OPN1LW: variants seen among roughly 807,000 people sequenced by gnomAD.
OPN1LW encodes the protein long-wave-sensitive opsin 1.
OPN1LW carries 4 observed loss-of-function variants against 18.1 expected under a neutral mutation model. That is an observed-to-expected ratio of 0.22 (90% CI 0.11 to 0.51). OPN1LW has a LOEUF of 0.51. OPN1LW is among the 20% of genes least tolerant of loss of function. The pLI is 0.97. For synonymous variants in OPN1LW, 86 were observed against 101.2 expected (o/e 0.85, Z 0.90); for missense variants, 164 against 234.9 (o/e 0.70, Z 1.97).
In OPN1LW at chrX:154,150,955, A is replaced by G. The variant is rs2067072339; in HGVS notation, c.409+3A>G. ...GGGCTACACCGTCTCCCTGTGTGGT[A>G]AGCCAGTCGGGGCCCAGGCTCGGCG... On this transcript the variant is annotated splice_donor_region_variant and intron_variant, in intron 2 of 5. Coordinates refer to ENST00000369951, the MANE Select transcript of OPN1LW (RefSeq NM_020061.6). 1 of 1,185,515 alleles carries G rather than the reference A, an allele frequency of 8.4e-7. No individual in the cohort carries two copies. The highest frequency in any genetic ancestry group is 2.1e-5 in the African/African-American group (1 of 46,711).
Position 154,156,539 on chromosome X carries a change from C to G in OPN1LW, c.984+6C>G, listed in dbSNP as rs1266194484. 1.7e-6 allele frequency: 2 copies of G among 1,197,350 alleles called. 1 individual carries two copies. The highest frequency in any genetic ancestry group is 6.0e-5 in the East Asian group (2 of 33,437). On this transcript the variant is annotated splice_donor_region_variant and intron_variant, in intron 5 of 5. Transcript: ENST00000369951. Reference sequence around the variant, plus strand: ...ATGTCTTTATGAACCGGCAGGTAAGCAACACCATCAGCAGATCCCACTCAA... The same window carrying G: ...ATGTCTTTATGAACCGGCAGGTAAGGAACACCATCAGCAGATCCCACTCAA...
In OPN1LW at chrX:154,156,572, T is replaced by C. The variant is rs782394778; in HGVS notation, c.984+39T>C. The C allele has an allele frequency of 1.8e-5, 21 of 1,186,772 alleles. No homozygotes were observed. In the East Asian group the frequency reaches 6.3e-4, roughly 36 times the overall value. ...TCAGCAGATCCCACTCAAAATACCG[T>C]GTGCCCTAGAAGGGTGCAGTGATGG... On this transcript the variant is annotated intron_variant, in intron 5 of 5. Coordinates refer to ENST00000369951, the MANE Select transcript of OPN1LW (RefSeq NM_020061.6).
At position 154,156,376 on chromosome X, in the gene OPN1LW, C is replaced by G; in HGVS notation, c.827C>G (p.Ala276Gly). Reference sequence around the variant, plus strand: ...CGCATGGTGGTGGTGATGATCTTTGCGTACTGCGTCTGCTGGGGACCCTAC... The same window carrying G: ...CGCATGGTGGTGGTGATGATCTTTGGGTACTGCGTCTGCTGGGGACCCTAC... Reference protein sequence around the residue: ...VTRMVVVMIFAYCVCWGPYTF... With the variant: ...VTRMVVVMIFGYCVCWGPYTF... The change falls in exon 5 of 6, where the codon GCG (alanine) becomes GGG (glycine). Residue 276 changes from alanine to glycine, a missense_variant. Around this residue, in one of 3 missense-constraint regions of OPN1LW, gnomAD observed 53 missense variants for 50.2 expected, o/e 1.06. Coordinates refer to ENST00000369951, the MANE Select transcript of OPN1LW (RefSeq NM_020061.6). 2 of 1,204,921 alleles carry G rather than the reference C, an allele frequency of 1.7e-6. No individual in the cohort carries two copies. Among genetic ancestry groups the G allele is most frequent in the Non-Finnish European group, 1.1e-6 (1 of 890,458 alleles).
intron 1 of OPN1LW, among the ~76,000 whole-genome samples, chrX:154,149,247 G>C (rs1395833088): frequency 9.9e-6 from 1 of 101,044 alleles, no homozygotes; most frequent in Non-Finnish European, 1.9e-5. Flanking sequence ...AAATTACCAG[G>C]CTGTGCATGG....
At position 154,144,258 on chromosome X, in the gene OPN1LW, C is replaced by T. The variant is rs781904091; in HGVS notation, c.-26C>T. ...CAGGTGATGCGCCAGGGCCGGCTGC[C>T]GTCGGGGACAGGGCTTTCCATAGCC... On this transcript the variant is annotated 5_prime_UTR_variant, in exon 1 of 6. Transcript: ENST00000369951. The T allele has an allele frequency of 1.2e-5, 15 of 1,208,071 alleles. No individual in the cohort carries two copies. The highest frequency in any genetic ancestry group is 6.5e-5 in the Admixed American group (3 of 45,870).
At chrX:154,151,031 G>C in intron 2 of OPN1LW, 79 bp downstream of exon 2, 1 of 1,161,554 alleles carries the variant, frequency 8.6e-7, no homozygotes, top group South Asian at 1.8e-5. Flanking sequence ...ATGATGATCG[G>C]GGCCCAGCTG....
Position 154,154,700 on chromosome X carries a change from C to T in OPN1LW, c.705C>T (p.Ile235=). ...VTCCIIPLAI[I]MLCYLQVWLA... ...GCTGCATCATCCCACTCGCTATCAT[C>T]ATGCTCTGCTACCTCCAAGTGTGGC... The change falls in exon 4 of 6, where the codon ATC becomes ATT. Residue 235 remains isoleucine (I), a synonymous_variant. Transcript: ENST00000369951. 8.4e-7 allele frequency: 1 copy of T among 1,194,567 alleles called. No homozygotes were observed. Among genetic ancestry groups the T allele is most frequent in the Non-Finnish European group, 1.1e-6 (1 of 883,895 alleles).
At chrX:154,156,613 T>C in intron 5 of OPN1LW, 80 bp downstream of exon 5, 1 of 1,132,880 alleles carries the variant, frequency 8.8e-7, no homozygotes, top group Non-Finnish European at 1.2e-6. Flanking sequence ...CCTGGAATCA[T>C]GTCTCTGATA....
intron 4 of OPN1LW, among the ~76,000 whole-genome samples, chrX:154,155,973 T>C (rs1484426639): frequency 2.7e-3 from 13 of 4,886 alleles, no homozygotes; most frequent in African/African-American, 9.9e-3. Flanking sequence ...CCACGCCCAG[T>C]CATCAATCAA....
rs371840734 is a variant in OPN1LW at position 154,154,661 on chromosome X, C to A, written c.666C>A (p.Val222=). The A allele has an allele frequency of 8.4e-7, 1 of 1,188,499 alleles. No homozygotes were observed. Among genetic ancestry groups the A allele is most frequent in the African/African-American group, 1.8e-5 (1 of 55,269 alleles). Residue 222 remains valine, a synonymous_variant, in exon 4 of 6, where the codon GTC becomes GTA. Transcript: ENST00000369951. ...CCGGGGTGCAGTCTTACATGATTGTCCTCATGGTCACCTGCTGCATCATCC... is the reference window on the plus strand; with the variant it reads ...CCGGGGTGCAGTCTTACATGATTGTACTCATGGTCACCTGCTGCATCATCC... ...SYPGVQSYMI[V]LMVTCCIIPL...
rs371146776 is a variant in OPN1LW, at chrX:154,150,853, G to C, written c.310G>C (p.Val104Leu). 8.3e-7 allele frequency: 1 copy of C among 1,198,786 alleles called. No homozygotes were observed. Among genetic ancestry groups the C allele is most frequent in the African/African-American group, 1.8e-5 (1 of 54,997 alleles). Residue 104 changes from valine to leucine, a missense_variant, in exon 2 of 6, where the codon GTC (valine) becomes CTC (leucine). Physicochemically the swap from Val to Leu is conservative, Grantham distance 32. Around this residue, in one of 3 missense-constraint regions of OPN1LW, gnomAD observed 106 missense variants for 167.7 expected, o/e 0.63. Transcript: ENST00000369951. ...GGCGGTCGCTGACCTAGCAGAGACC[G>C]TCATCGCCAGCACTATCAGCATTGT... ...NLAVADLAET[V>L]IASTISIVNQ...
Position 154,150,852 on chromosome X carries a change from C to G in OPN1LW, c.309C>G (p.Thr103=), listed in dbSNP as rs782058799. ...VNLAVADLAE[T]VIASTISIVN... ...TGGCGGTCGCTGACCTAGCAGAGACCGTCATCGCCAGCACTATCAGCATTG... is the reference window on the plus strand; with the variant it reads ...TGGCGGTCGCTGACCTAGCAGAGACGGTCATCGCCAGCACTATCAGCATTG... The change falls in exon 2 of 6, where the codon ACC becomes ACG. Residue 103 remains threonine, a synonymous_variant. Transcript: ENST00000369951. 1.7e-6 allele frequency: 2 copies of G among 1,199,065 alleles called. No individual in the cohort carries two copies. Among genetic ancestry groups the G allele is most frequent in the African/African-American group, 1.8e-5 (1 of 54,986 alleles).
At chrX:154,149,670 G>A (rs1324338826) in intron 1 of OPN1LW, among the ~76,000 whole-genome samples, 3 of 67,860 alleles carry the variant, frequency 4.4e-5, no homozygotes, top group Non-Finnish European at 7.4e-5. Flanking sequence ...GGGCTCTGGC[G>A]AGGACCCTCT....
intron 4 of OPN1LW, 53 bp from the exon 5 acceptor site, chrX:154,156,241 A>G: frequency 8.5e-7 from 1 of 1,170,049 alleles, no homozygotes; most frequent in Non-Finnish European, 1.1e-6. Context: ...TGCCTGGGTC[A>G]CCTGCCTCTT....
At position 154,144,262 on chromosome X, in the gene OPN1LW, G is replaced by A. The variant is rs782696164; in HGVS notation, c.-22G>A. The A allele has an allele frequency of 3.3e-5, 40 of 1,207,435 alleles. No individual in the cohort carries two copies. The Admixed American group carries it at 5.7e-4, about 17-fold the overall frequency. ...TGATGCGCCAGGGCCGGCTGCCGTC[G>A]GGGACAGGGCTTTCCATAGCCATGG... On this transcript the variant is annotated 5_prime_UTR_variant, in exon 1 of 6. Transcript: ENST00000369951.
In OPN1LW at chrX:154,154,197, C is replaced by G. The variant is rs1432626221; in HGVS notation, c.579-377C>G. ...CAGGCTAGTCTTGAACTCCTGGGCT[C>G]GAGCAATCCTCCTACCTCTGCCTCC... is the stretch of plus-strand genomic sequence containing the variant. On this transcript the variant is annotated intron_variant, in intron 3 of 5. Transcript: ENST00000369951. 7.9e-4 allele frequency among the ~76,000 whole-genome samples: 79 copies of G among 99,623 alleles called. 3 individuals carry two copies. Among genetic ancestry groups the G allele is most frequent in the South Asian group, 5.9e-3 (15 of 2,524 alleles). 86.5% of individuals were successfully genotyped at this position (99,623 alleles called of 115,157 possible).
At chrX:154,156,664 A>T in intron 5 of OPN1LW, 131 bp downstream of exon 5, 1 of 1,075,106 alleles carries the variant, frequency 9.3e-7, no homozygotes, top group Non-Finnish European at 1.3e-6. Flanking sequence ...CAGGGAAATG[A>T]CCGGGAAAGG....
At chrX:154,149,380 T>C in intron 1 of OPN1LW, among the ~76,000 whole-genome samples, 1 of 98,778 alleles carries the variant, frequency 1.0e-5, no homozygotes, top group Non-Finnish European at 1.9e-5. Context: ...GCACAAAAAT[T>C]AGCTGGGTGT....
intron 1 of OPN1LW, among the ~76,000 whole-genome samples, chrX:154,148,499 T>G (rs2148783545): frequency 9.7e-6 from 1 of 102,998 alleles, no homozygotes; most frequent in Admixed American, 9.9e-5. Flanking sequence ...TTTGAACTCC[T>G]GACCTCAAGT....
Sources: gnomAD v4.1 joint callset for allele counts (sites outside exome capture counted in the v4.1 genomes callset) on GRCh38, gnomAD v4.1.1 for gene constraint, gnomAD v4.1.1 regional missense constraint, MANE v1.5 for transcripts, NCBI Gene and HGNC (gene_info 2026-07-23, HGNC 2026-07-21) for gene names.